The following AEBP1 variants were observed in gnomAD, a reference collection of about 807,000 sequenced individuals.
AEBP1 encodes the protein AE binding protein 1, also known as adipocyte enhancer-binding protein 1.
In AEBP1, 69 loss-of-function variants were observed where a neutral mutation model predicts 116.5. The ratio of observed to expected loss-of-function variants is 0.59; its 90% CI spans 0.49 to 0.72. AEBP1 has a LOEUF of 0.72. Among genes scored for constraint, AEBP1 ranks in the 30% least tolerant of loss-of-function variants. The pLI is 0.00. For synonymous variants in AEBP1, 627 were observed against 627.3 expected (o/e 1.00, Z 0.01); for missense variants, 1,444 against 1,557.5 (o/e 0.93, Z 1.23).
Position 44,112,661 on chromosome 7 carries a change from AT to A in AEBP1, c.2322del (p.Asp774GlufsTer53). On this transcript the variant is annotated frameshift_variant, in exon 18 of 21. Coordinates refer to ENST00000223357, the MANE Select transcript of AEBP1 (RefSeq NM_001129.5). LOFTEE classifies it high-confidence loss of function. The surrounding 1 kb of genome is among the most constrained non-coding windows in gnomAD (Gnocchi z 6.6). ...GGERLVSYPYDMARTPTQEQL... is the reference protein window; with the variant it reads ...GGERLVSYPYXMARTPTQEQL... The stretch of plus-strand genomic sequence containing the variant: ...GAGCGGCTAGTATCCTACCCCTACG[AT>A]ATGGCCCGCACGCCTACCCAGGAGC... 6.2e-7 allele frequency: 1 copy of A among 1,613,158 alleles called. No homozygotes were observed. Among genetic ancestry groups the A allele is most frequent in the Non-Finnish European group, 8.5e-7 (1 of 1,179,972 alleles).
chr7:44,113,068 G>A lies in AEBP1; in HGVS notation c.2647G>A (p.Glu883Lys). 2 of 1,614,134 alleles carry A rather than the reference G, an allele frequency of 1.2e-6. No individual in the cohort carries two copies. The highest frequency in any genetic ancestry group is 2.2e-5 in the South Asian group (2 of 91,088). The change falls in exon 19 of 21, where the codon GAG becomes AAG. Residue 883 changes from glutamate to lysine, a missense_variant. By Grantham distance (56) the Glu-to-Lys change is moderately conservative (BLOSUM62 1). Coordinates refer to ENST00000223357, the MANE Select transcript of AEBP1 (RefSeq NM_001129.5). The surrounding 1 kb of genome is among the most constrained non-coding windows in gnomAD (Gnocchi z 5.3). The stretch of plus-strand genomic sequence containing the variant: ...CCTGGGCTGTGACAAGTTCCCTCAT[G>A]AGAGTGAGCTGCCCCGCGAGTGGGA... ...FYLGCDKFPHESELPREWENN... is the reference protein window; with the variant it reads ...FYLGCDKFPHKSELPREWENN...
chr7:44,111,968 G>A lies in AEBP1; in HGVS notation c.1955G>A (p.Arg652His), dbSNP rs781523805. 3.7e-6 allele frequency: 6 copies of A among 1,613,734 alleles called. No homozygotes were observed. Among genetic ancestry groups the A allele is most frequent in the Non-Finnish European group, 4.2e-6 (5 of 1,180,028 alleles). The stretch of plus-strand genomic sequence containing the variant: ...CGAGAGTACCGCGATGGGAACCCAC[G>A]TGTGCGCAGCCTGGTGCAGGACACA... ...LCREYRDGNPRVRSLVQDTRI... is the reference protein window; with the variant it reads ...LCREYRDGNPHVRSLVQDTRI... The change falls in exon 16 of 21, where the codon CGT becomes CAT. Residue 652 changes from arginine to histidine, a missense_variant. Arg to His is a conservative substitution (Grantham distance 29, BLOSUM62 0). Transcript: ENST00000223357. The surrounding 1 kb of genome is among the most constrained non-coding windows in gnomAD (Gnocchi z 4.7).
In AEBP1 at chr7:44,112,755, G is replaced by A; in HGVS notation, c.2415G>A (p.Glu805=). The A allele has an allele frequency of 6.2e-7, 1 of 1,613,114 alleles. No individual in the cohort carries two copies. The highest frequency in any genetic ancestry group is 8.5e-7 in the Non-Finnish European group (1 of 1,179,956). The stretch of plus-strand genomic sequence containing the variant: ...AGGACGAGGTCTCCGAGGCCCAGGA[G>A]ACTCCAGACCACGCCATCTTCCGGT... ...EDEDEVSEAQ[E]TPDHAIFRWL... Residue 805 remains glutamate (E), a synonymous_variant, in exon 18 of 21, where the codon GAG becomes GAA. Coordinates refer to ENST00000223357, the MANE Select transcript of AEBP1 (RefSeq NM_001129.5). This position sits in a 1 kb window ranked among gnomAD's most constrained non-coding sequence, Gnocchi z 6.6.
chr7:44,109,816 T>C (rs374356462), intron 9 of AEBP1, 199 bp from the exon 10 acceptor site: 3 of 602,576 alleles, frequency 5.0e-6, no homozygotes, highest in East Asian at 2.8e-5. Flanking sequence ...CAGGCTGGGA[T>C]TGGAAACAGC....
Position 44,104,486 on chromosome 7 carries a change from C to T in AEBP1, c.-180C>T. 1 of 471,068 alleles carries T rather than the reference C, an allele frequency of 2.1e-6. No individual in the cohort carries two copies. Among genetic ancestry groups the T allele is most frequent in the Non-Finnish European group, 3.6e-6 (1 of 274,864 alleles). The allele number at this position is 471,068 out of a possible 1,614,324, so 29.2% of individuals were successfully genotyped here. A position where few individuals can be genotyped will look rare whatever the true frequency, so the allele number is the denominator to read the frequency against. On this transcript the variant is annotated 5_prime_UTR_variant, in exon 1 of 21. Coordinates refer to ENST00000223357, the MANE Select transcript of AEBP1 (RefSeq NM_001129.5). Reference sequence around the variant, plus strand: ...GCCCCCCAGCACCCCTTCCCGGGTCCCCTCGCCCACCCTAATCCACTCTCC... The same window carrying T: ...GCCCCCCAGCACCCCTTCCCGGGTCTCCTCGCCCACCCTAATCCACTCTCC...
At chr7:44,109,672 G>A (rs143523320) in intron 9 of AEBP1, 11 of 566,920 alleles carry the variant, frequency 1.9e-5, no homozygotes, top group Middle Eastern at 2.7e-4. Context: ...TTGTGCAGAC[G>A]GTCCCCATCT....
Position 44,108,062 on chromosome 7 carries a change from C to G in AEBP1, c.918C>G (p.Tyr306Ter). The G allele has an allele frequency of 6.2e-7, 1 of 1,603,048 alleles. No individual in the cohort carries two copies. The highest frequency in any genetic ancestry group is 8.5e-7 in the Non-Finnish European group (1 of 1,175,962). Reference sequence around the variant, plus strand: ...TGCCCCCTGACTATGGTGATGGTTACGTGATCCCCAACTACGATGACAGTG... The same window carrying G: ...TGCCCCCTGACTATGGTGATGGTTAGGTGATCCCCAACTACGATGACAGTG... ...PPLPPDYGDGYVIPNYDDMDY... is the reference protein window; with the variant it reads ...PPLPPDYGDG The change falls in exon 6 of 21, where the codon TAC (tyrosine) becomes TAG (stop). Residue 306 changes from tyrosine to a stop codon, truncating the protein, a stop_gained. Transcript: ENST00000223357. LOFTEE classifies it high-confidence loss of function. This position sits in a 1 kb window ranked among gnomAD's most constrained non-coding sequence, Gnocchi z 5.0.
chr7:44,104,855 C>T lies in AEBP1; in HGVS notation c.190C>T (p.Pro64Ser). 1.9e-6 allele frequency: 3 copies of T among 1,574,782 alleles called. No homozygotes were observed. The highest frequency in any genetic ancestry group is 2.6e-6 in the Non-Finnish European group (3 of 1,161,024). ...VEAPPPPEPT[P>S]RVRKAQAGGK... ...GGCCCCGCCGCCTCCCGAGCCCACC[C>T]CGCGGGTCCGAAAAGCCCAGGCGGG... Residue 64 changes from proline to serine, a missense_variant, in exon 1 of 21, where the codon CCG (proline) becomes TCG (serine). By Grantham distance (74) the Pro-to-Ser change is moderately conservative (BLOSUM62 -1). Transcript: ENST00000223357.
At chr7:44,104,983 G>C (rs975087800) in intron 1 of AEBP1, 65 bp downstream of exon 1, 3 of 1,324,870 alleles carry the variant, frequency 2.3e-6, no homozygotes, top group African/African-American at 1.5e-5. Flanking sequence ...AGGGGGATTC[G>C]GTAGGGTCTG....
chr7:44,109,543 C>A, intron 9 of AEBP1: 1 of 640,762 alleles, frequency 1.6e-6, no homozygotes, highest in Non-Finnish European at 2.6e-6. Flanking sequence ...GGCTGGCCTG[C>A]TTCAGGAGGG....
In AEBP1 at chr7:44,113,756, G is replaced by T; in HGVS notation, c.2972G>T (p.Arg991Leu). The T allele has an allele frequency of 1.9e-6, 3 of 1,614,090 alleles. No homozygotes were observed. Among genetic ancestry groups the T allele is most frequent in the Non-Finnish European group, 2.5e-6 (3 of 1,179,982 alleles). The change falls in exon 21 of 21, where the codon CGG (arginine) becomes CTG (leucine). Residue 991 changes from arginine (R) to leucine (L), a missense_variant. Coordinates refer to ENST00000223357, the MANE Select transcript of AEBP1 (RefSeq NM_001129.5). This position sits in a 1 kb window ranked among gnomAD's most constrained non-coding sequence, Gnocchi z 5.3. ...GCTCGCTCCAACTGGAAGCGCATCC[G>T]GGAGATCATGGCCATGAACGGGAAC... ...ILARSNWKRI[R>L]EIMAMNGNRP...
Position 44,109,324 on chromosome 7 carries a change from C to A in AEBP1, c.1133C>A (p.Thr378Lys). 1.3e-6 allele frequency: 2 copies of A among 1,596,238 alleles called. No homozygotes were observed. Among genetic ancestry groups the A allele is most frequent in the Non-Finnish European group, 8.5e-7 (1 of 1,171,142 alleles). ...RKGEELEEEW[T>K]PTEKVKCPPI... Reference sequence around the variant, plus strand: ...GGCGAGGAGTTGGAGGAGGAGTGGACGCCTACGGAGAAAGTCAGTAAGTGG... The same window carrying A: ...GGCGAGGAGTTGGAGGAGGAGTGGAAGCCTACGGAGAAAGTCAGTAAGTGG... The change falls in exon 9 of 21, where the codon ACG (threonine) becomes AAG (lysine). Residue 378 changes from threonine (T) to lysine (K), a missense_variant. Thr to Lys is a moderately conservative substitution (Grantham distance 78). Coordinates refer to ENST00000223357, the MANE Select transcript of AEBP1 (RefSeq NM_001129.5).
rs566294602 is a variant in AEBP1, at chr7:44,111,761, C to A, written c.1841-93C>A. On this transcript the variant is annotated intron_variant, in intron 15 of 20. Coordinates refer to ENST00000223357, the MANE Select transcript of AEBP1 (RefSeq NM_001129.5). The surrounding 1 kb of genome is among the most constrained non-coding windows in gnomAD (Gnocchi z 4.7). ...GGGCCCTAGGAGCCCCAGCTGTCCC[C>A]CAGACCCTCGGGTATGAGGTGGGTC... is the stretch of plus-strand genomic sequence containing the variant. 3 of 1,532,510 alleles carry A rather than the reference C, an allele frequency of 2.0e-6. No homozygotes were observed. In the Admixed American group the frequency reaches 5.9e-5, roughly 30 times the overall value. 94.9% of individuals were successfully genotyped at this position (1,532,510 alleles called of 1,614,324 possible).
rs984395825 is a variant in AEBP1 at position 44,104,870 on chromosome 7, G to A, written c.205G>A (p.Ala69Thr). ...CGAGCCCACCCCGCGGGTCCGAAAA[G>A]CCCAGGCGGGGGGCAAGCCAGGGAA... Reference protein sequence around the residue: ...PPEPTPRVRKAQAGGKPGKRP... With the variant: ...PPEPTPRVRKTQAGGKPGKRP... Residue 69 changes from alanine (A) to threonine (T), a missense_variant, in exon 1 of 21, where the codon GCC becomes ACC. Coordinates refer to ENST00000223357, the MANE Select transcript of AEBP1 (RefSeq NM_001129.5). 6.3e-5 allele frequency: 98 copies of A among 1,564,992 alleles called. No individual in the cohort carries two copies. Among genetic ancestry groups the A allele is most frequent in the Non-Finnish European group, 8.1e-5 (94 of 1,155,474 alleles).
rs761106752 is a variant in AEBP1, at chr7:44,113,661, C to CT, written c.2878dup (p.Tyr960LeufsTer11). ...ACCGCGTGACAGCCCACGCGGAGGG[C>CT]TACACCCCGAGCGCCAAGACCTGCA... On this transcript the variant is annotated frameshift_variant, in exon 21 of 21. Coordinates refer to ENST00000223357, the MANE Select transcript of AEBP1 (RefSeq NM_001129.5). LOFTEE classifies it low-confidence loss of function (END_TRUNC). The surrounding 1 kb of genome is among the most constrained non-coding windows in gnomAD (Gnocchi z 5.3). The CT allele has an allele frequency of 6.2e-7, 1 of 1,613,890 alleles. No individual in the cohort carries two copies. Among genetic ancestry groups the CT allele is most frequent in the South Asian group, 1.1e-5 (1 of 91,090 alleles).
At position 44,113,319 on chromosome 7, in the gene AEBP1, C is replaced by G; in HGVS notation, c.2777C>G (p.Ser926Cys). 2.5e-6 allele frequency: 4 copies of G among 1,613,382 alleles called. No individual in the cohort carries two copies. Among genetic ancestry groups the G allele is most frequent in the Non-Finnish European group, 3.4e-6 (4 of 1,179,782 alleles). ...QGIPIANATI[S>C]VSGINHGVKT... ...ATCCCCATTGCCAACGCCACCATCT[C>G]TGTGAGTGGCATTAATCACGGCGTG... Residue 926 changes from serine (S) to cysteine (C), a missense_variant, in exon 20 of 21, where the codon TCT becomes TGT. Transcript: ENST00000223357. The surrounding 1 kb of genome is among the most constrained non-coding windows in gnomAD (Gnocchi z 5.3).
Position 44,106,810 on chromosome 7 carries a change from T to G in AEBP1, c.518T>G (p.Leu173Arg). 6.2e-7 allele frequency: 1 copy of G among 1,608,830 alleles called. No individual in the cohort carries two copies. The highest frequency in any genetic ancestry group is 1.1e-5 in the South Asian group (1 of 90,538). The change falls in exon 2 of 21, where the codon CTG becomes CGG. Residue 173 changes from leucine (L) to arginine (R), a missense_variant. By Grantham distance (102) the Leu-to-Arg change is moderately radical. Transcript: ENST00000223357. ...CCGTCAGGGAAGAGGCCCCCCATTC[T>G]GGCTCCCTCAGAAACCCTGGAGTGG... Reference protein sequence around the residue: ...KPPSGKRPPILAPSETLEWPL... With the variant: ...KPPSGKRPPIRAPSETLEWPL...
chr7:44,108,092 C>T lies in AEBP1; in HGVS notation c.940+8C>T, dbSNP rs988498190. On this transcript the variant is annotated splice_region_variant and intron_variant, in intron 6 of 20. Coordinates refer to ENST00000223357, the MANE Select transcript of AEBP1 (RefSeq NM_001129.5). The surrounding 1 kb of genome is among the most constrained non-coding windows in gnomAD (Gnocchi z 5.0). ...TCCCCAACTACGATGACAGTGAGTA[C>T]CCAGCACCCCAGAGTCTGAGGGACA... The T allele has an allele frequency of 6.3e-7, 1 of 1,594,298 alleles. No homozygotes were observed. The highest frequency in any genetic ancestry group is 2.3e-5 in the East Asian group (1 of 43,672).
At position 44,108,776 on chromosome 7, in the gene AEBP1, G is replaced by C; in HGVS notation, c.941-123G>C. The C allele has an allele frequency of 1.2e-6, 1 of 851,110 alleles. No individual in the cohort carries two copies. Among genetic ancestry groups the C allele is most frequent in the East Asian group, 2.7e-5 (1 of 37,020 alleles). The allele number at this position is 851,110 out of a possible 1,614,324, so 52.7% of individuals were successfully genotyped here. A position where few individuals can be genotyped will look rare whatever the true frequency, so the allele number is the denominator to read the frequency against. The stretch of plus-strand genomic sequence containing the variant: ...TGCAAGACCCTCTCCCAACTCAGCT[G>C]TCCCCCATCTCCCGTCCTCCTCCCC... On this transcript the variant is annotated intron_variant, in intron 6 of 20. Coordinates refer to ENST00000223357, the MANE Select transcript of AEBP1 (RefSeq NM_001129.5). This position sits in a 1 kb window ranked among gnomAD's most constrained non-coding sequence, Gnocchi z 5.0.
Sources: allele counts gnomAD v4.1 joint callset, GRCh38; gene constraint gnomAD v4.1.1; non-coding constraint Gnocchi (gnomAD v3.1); transcripts MANE v1.5; gene names NCBI Gene and HGNC (gene_info 2026-07-23, HGNC 2026-07-21).